ABCC12: variants seen among roughly 807,000 people sequenced by gnomAD.
ABCC12 encodes the protein ATP-binding cassette sub-family C member 12.
Under a neutral mutation model 151.1 loss-of-function variants are expected in ABCC12, and 142 were observed. The observed-to-expected ratio is 0.94, with a 90% CI of 0.82 to 1.08. The LOEUF (loss-of-function observed/expected upper bound fraction) is 1.08. Among genes scored for constraint, ABCC12 ranks in the 50% least tolerant of loss-of-function variants. The probability of loss-of-function intolerance (pLI) is 0.00; values close to 1 mark genes in which losing one functional copy is unlikely to be tolerated. For synonymous variants in ABCC12, 645 were observed against 646.4 expected (o/e 1.00, Z 0.03); for missense variants, 1,638 against 1,691.1 (o/e 0.97, Z 0.55).
At chr16:48,154,466 C>T (rs968166736) in intron 1 of ABCC12, among the ~76,000 whole-genome samples, 1 of 152,168 alleles carries the variant, frequency 6.6e-6, no homozygotes, top group Admixed American at 6.5e-5. Flanking sequence ...AGCACGGCAG[C>T]CCCTCCTGGG....
At position 48,081,489 on chromosome 16, in the gene ABCC12, G is replaced by A. The variant is rs191837867; in HGVS notation, c.*2226C>T. ...GGGCTTTGTTGTGAAGGGGTTGGGA[G>A]CAGGGCCTGTGGAGCCAGACTGGTT... is the stretch of plus-strand genomic sequence containing the variant. On this transcript the variant is annotated 3_prime_UTR_variant, in exon 31 of 31. Coordinates refer to ENST00000311303, the MANE Select transcript of ABCC12 (RefSeq NM_001393797.1). Among the ~76,000 whole-genome samples the A allele has an allele frequency of 7.9e-4, 120 of 152,316 alleles. 1 individual carries two copies. Among genetic ancestry groups the A allele is most frequent in the African/African-American group, 2.8e-3 (116 of 41,574 alleles).
At chr16:48,141,058 A>G (rs1964792457) in intron 5 of ABCC12, 138 bp from the exon 6 acceptor site, 8 of 1,393,166 alleles carry the variant, frequency 5.7e-6, no homozygotes, top group Middle Eastern at 2.6e-4. Context: ...TGTGCTTGAC[A>G]AGGATTCACT....
Position 48,083,707 on chromosome 16 carries a change from C to T in ABCC12, c.*8G>A. 2.5e-6 allele frequency: 4 copies of T among 1,614,042 alleles called. No homozygotes were observed. The highest frequency in any genetic ancestry group is 3.4e-6 in the Non-Finnish European group (4 of 1,179,964). On this transcript the variant is annotated 3_prime_UTR_variant, in exon 31 of 31. Transcript: ENST00000311303. Reference sequence around the variant, plus strand: ...CTCTTCCTCCTCTAGAATCAGCCGCCAGGACCTCTACAATCTGACTTCTGC... The same window carrying T: ...CTCTTCCTCCTCTAGAATCAGCCGCTAGGACCTCTACAATCTGACTTCTGC...
At chr16:48,152,458 C>T (rs1461180473) in intron 2 of ABCC12, among the ~76,000 whole-genome samples, 1 of 152,202 alleles carries the variant, frequency 6.6e-6, no homozygotes, top group Non-Finnish European at 1.5e-5. Flanking sequence ...GGTCCATGAT[C>T]AACAACCTAC....
chr16:48,083,641 GC>G lies in ABCC12; in HGVS notation c.*73del. 2.0e-6 allele frequency: 3 copies of G among 1,485,130 alleles called. 1 individual carries two copies. In the South Asian group the frequency reaches 3.5e-5, roughly 17 times the overall value. 92.0% of individuals were successfully genotyped at this position (1,485,130 alleles called of 1,614,324 possible). ...ACCAGGGCTGCCTGCGGAGAGGACA[GC>G]CCCTCCTCCTGAAGACTCCTCCTAT... On this transcript the variant is annotated 3_prime_UTR_variant, in exon 31 of 31. Coordinates refer to ENST00000311303, the MANE Select transcript of ABCC12 (RefSeq NM_001393797.1).
intron 15 of ABCC12, among the ~76,000 whole-genome samples, chr16:48,112,778 G>A (rs1165573765): frequency 6.6e-6 from 1 of 152,000 alleles, no homozygotes; most frequent in Non-Finnish European, 1.5e-5. Context: ...ACCACGGTGT[G>A]GTCTCCAGGC....
intron 10 of ABCC12, among the ~76,000 whole-genome samples, chr16:48,130,182 T>C (rs1346190933): frequency 3.9e-5 from 6 of 152,218 alleles, no homozygotes; most frequent in African/African-American, 1.4e-4. Flanking sequence ...AGTTGAACTT[T>C]CAAACCACTT....
intron 18 of ABCC12, among the ~76,000 whole-genome samples, chr16:48,109,150 G>A (rs1481683600): frequency 2.0e-5 from 3 of 152,212 alleles, no homozygotes; most frequent in Admixed American, 1.3e-4. Context: ...TTGGGAGGGG[G>A]CTGGGCATGC....
At position 48,139,195 on chromosome 16, in the gene ABCC12, TC is replaced by T; in HGVS notation, c.798del (p.Ile267TyrfsTer28). 1 of 1,612,772 alleles carries T rather than the reference TC, an allele frequency of 6.2e-7. No homozygotes were observed. Among genetic ancestry groups the T allele is most frequent in the Non-Finnish European group, 8.5e-7 (1 of 1,179,710 alleles). Reference sequence around the variant, plus strand: ...GGTATGAATATGACATACACTGATATCCCGATGAGAGCTGTGGGCCCCAGAA... The same window carrying T: ...GGTATGAATATGACATACACTGATATCCGATGAGAGCTGTGGGCCCCAGAA... ...FFILGPTALI[G>X]ISVYVIFIPV... On this transcript the variant is annotated frameshift_variant, in exon 7 of 31. Coordinates refer to ENST00000311303, the MANE Select transcript of ABCC12 (RefSeq NM_001393797.1). LOFTEE classifies it high-confidence loss of function.
Position 48,104,233 on chromosome 16 carries a change from C to T in ABCC12, c.2809G>A (p.Val937Met). The part of the protein sequence containing the change: ...AENFLQQFFM[V>M]VFILVILAAV... ...GCCAAGATCACGAGAATAAACACCA[C>T]CATAAAAAACTGCTGCAGAAAGTTC... Residue 937 changes from valine (V) to methionine (M), a missense_variant, in exon 22 of 31, where the codon GTG becomes ATG. By Grantham distance (21) the Val-to-Met change is conservative. Coordinates refer to ENST00000311303, the MANE Select transcript of ABCC12 (RefSeq NM_001393797.1). 3 of 1,614,222 alleles carry T rather than the reference C, an allele frequency of 1.9e-6. No individual in the cohort carries two copies. The highest frequency in any genetic ancestry group is 2.5e-6 in the Non-Finnish European group (3 of 1,180,050).
Position 48,128,750 on chromosome 16 carries a change from A to T in ABCC12, c.1237-13T>A. Reference sequence around the variant, plus strand: ...CTATGAGAATTTTCTAAGATTAAAGAGACAAAATTAACTGAGCAGATGTCA... The same window carrying T: ...CTATGAGAATTTTCTAAGATTAAAGTGACAAAATTAACTGAGCAGATGTCA... On this transcript the variant is annotated splice_polypyrimidine_tract_variant and intron_variant, in intron 10 of 30. Transcript: ENST00000311303. 1 of 1,608,536 alleles carries T rather than the reference A, an allele frequency of 6.2e-7. No homozygotes were observed. The highest frequency in any genetic ancestry group is 8.5e-7 in the Non-Finnish European group (1 of 1,178,304).
chr16:48,112,366 C>A (rs1474047801), intron 15 of ABCC12, among the ~76,000 whole-genome samples: 1 of 152,114 alleles, frequency 6.6e-6, no homozygotes, highest in Non-Finnish European at 1.5e-5. Context: ...GAGGCTGAAG[C>A]GGGTGGATCA....
chr16:48,119,599 C>T (rs867725848), intron 13 of ABCC12, among the ~76,000 whole-genome samples: 68 of 152,226 alleles, frequency 4.5e-4, no homozygotes, highest in African/African-American at 1.5e-3. Flanking sequence ...GGCCACAGGA[C>T]GGCATGGCCG....
chr16:48,149,356 T>C (rs1052286016), intron 2 of ABCC12, among the ~76,000 whole-genome samples: 2 of 149,662 alleles, frequency 1.3e-5, no homozygotes, highest in Non-Finnish European at 3.0e-5. Flanking sequence ...CACAACCATA[T>C]CAACAATTAC....
At chr16:48,135,049 C>CAA (rs1236934094) in intron 8 of ABCC12, among the ~76,000 whole-genome samples, 13 of 77,956 alleles carry the variant, frequency 1.7e-4, no homozygotes, top group African/African-American at 4.9e-4. Context: ...GACTCTGTCT[C>CAA]AAAAAAAAAA....
At chr16:48,097,918 T>C (rs1203040055) in intron 23 of ABCC12, among the ~76,000 whole-genome samples, 1 of 152,102 alleles carries the variant, frequency 6.6e-6, no homozygotes, top group Non-Finnish European at 1.5e-5. Flanking sequence ...CAGGAAAGGA[T>C]AGCAGAAAGG....
At chr16:48,134,888 TAAATATACAAA>T (rs1449413530) in intron 8 of ABCC12, among the ~76,000 whole-genome samples, 5 of 151,920 alleles carry the variant, frequency 3.3e-5, no homozygotes, top group Admixed American at 2.6e-4. Context: ...CCGTCTCTAC[TAAATATACAAA>T]AAATTAGCCA....
At position 48,121,761 on chromosome 16, in the gene ABCC12, T is replaced by G; in HGVS notation, c.1667A>C (p.Asn556Thr). Reference sequence around the variant, plus strand: ...TCCAAAGAGTATGTTTTCTCTCACATTTCCATGAAAGATCCATGCCTGCTG... The same window carrying G: ...TCCAAAGAGTATGTTTTCTCTCACAGTTCCATGAAAGATCCATGCCTGCTG... ...VSQQAWIFHG[N>T]VRENILFGEK... Residue 556 changes from asparagine to threonine, a missense_variant, in exon 13 of 31, where the codon AAT (asparagine) becomes ACT (threonine). Asn to Thr is a moderately conservative substitution (Grantham distance 65). Coordinates refer to ENST00000311303, the MANE Select transcript of ABCC12 (RefSeq NM_001393797.1). 4 of 1,614,206 alleles carry G rather than the reference T, an allele frequency of 2.5e-6. No homozygotes were observed. Among genetic ancestry groups the G allele is most frequent in the Non-Finnish European group, 3.4e-6 (4 of 1,180,038 alleles).
chr16:48,128,780 T>C (rs754391369), intron 10 of ABCC12, 43 bp from the exon 11 acceptor site: 8 of 1,585,284 alleles, frequency 5.0e-6, no homozygotes, highest in Non-Finnish European at 6.0e-6. Flanking sequence ...ATGTCATCCA[T>C]TTGCAAGAAT....
Sources: gnomAD v4.1 joint callset for allele counts (sites outside exome capture counted in the v4.1 genomes callset) on GRCh38, gnomAD v4.1.1 for gene constraint, MANE v1.5 for transcripts, NCBI Gene and HGNC (gene_info 2026-07-23, HGNC 2026-07-21) for gene names.